NDUFV2: variants seen among roughly 807,000 people sequenced by gnomAD.
NDUFV2 encodes the protein NADH dehydrogenase [ubiquinone] flavoprotein 2, mitochondrial.
NDUFV2 carries 18 observed loss-of-function variants against 31.6 expected under a neutral mutation model. The ratio of observed to expected loss-of-function variants is 0.57; its 90% CI spans 0.39 to 0.84. The LOEUF is 0.84. NDUFV2 is among the 40% of genes least tolerant of loss of function. The probability of loss-of-function intolerance (pLI) is 0.00; values close to 1 mark genes in which losing one functional copy is unlikely to be tolerated. For synonymous variants in NDUFV2, 83 were observed against 99.8 expected (o/e 0.83, Z 1.01); for missense variants, 314 against 303.6 (o/e 1.03, Z -0.26).
At chr18:9,124,776 C>T (rs962668637) in intron 5 of NDUFV2, 98 bp from the exon 6 acceptor site, 110 of 1,283,734 alleles carry the variant, frequency 8.6e-5, no homozygotes, top group Non-Finnish European at 1.2e-4. Flanking sequence ...TAGTCTTAAA[C>T]TTTTAATATA....
Position 9,102,766 on chromosome 18 carries a change from G to T in NDUFV2, c.23G>T (p.Arg8Leu), listed in dbSNP as rs1393849645. 2 of 1,584,674 alleles carry T rather than the reference G, an allele frequency of 1.3e-6. No homozygotes were observed. Among genetic ancestry groups the T allele is most frequent in the Admixed American group, 1.8e-5 (1 of 56,086 alleles). ...GCCATGTTCTTCTCCGCGGCGCTCCGGGCCCGGGCGGCTGGCCTCACCGCC... is the reference window on the plus strand; with the variant it reads ...GCCATGTTCTTCTCCGCGGCGCTCCTGGCCCGGGCGGCTGGCCTCACCGCC... MFFSAAL[R>L]ARAAGLTAHW... Residue 8 changes from arginine to leucine, a missense_variant, in exon 1 of 8, where the codon CGG becomes CTG. By Grantham distance (102) the Arg-to-Leu change is moderately radical. Transcript: ENST00000318388.
intron 1 of NDUFV2, among the ~76,000 whole-genome samples, chr18:9,117,165 T>C (rs191291120): frequency 6.6e-6 from 1 of 151,928 alleles, no homozygotes; most frequent in East Asian, 1.9e-4. Context: ...GCCTCCCGAG[T>C]AGCTGGGACT....
chr18:9,130,769 C>T (rs772384228), intron 7 of NDUFV2, among the ~76,000 whole-genome samples: 10 of 152,012 alleles, frequency 6.6e-5, no homozygotes, highest in Non-Finnish European at 1.3e-4. Context: ...AATGAAAAAC[C>T]GAGAGGAATT....
intron 1 of NDUFV2, among the ~76,000 whole-genome samples, chr18:9,108,626 T>C (rs563871706): frequency 6.6e-6 from 1 of 152,228 alleles, no homozygotes; most frequent in East Asian, 1.9e-4. Flanking sequence ...GATTTCACAA[T>C]TATTAACCCA....
At chr18:9,107,045 T>C (rs1180364051) in intron 1 of NDUFV2, among the ~76,000 whole-genome samples, 1 of 152,188 alleles carries the variant, frequency 6.6e-6, no homozygotes, top group Non-Finnish European at 1.5e-5. Flanking sequence ...AATTCTCTTT[T>C]GTTGTGTAAA....
rs148477073 is a variant in NDUFV2 at position 9,125,113 on chromosome 18, T to C, written c.579+130T>C. 7 of 1,014,840 alleles carry C rather than the reference T, an allele frequency of 6.9e-6. No individual in the cohort carries two copies. In the Admixed American group the frequency reaches 1.2e-4, roughly 17 times the overall value. 62.9% of individuals were successfully genotyped at this position (1,014,840 alleles called of 1,614,324 possible). Reference sequence around the variant, plus strand: ...TTAGAAGAAATGGTTACCATAAATATCCAGGTTTTAAAAAATTCTTTAAAC... The same window carrying C: ...TTAGAAGAAATGGTTACCATAAATACCCAGGTTTTAAAAAATTCTTTAAAC... On this transcript the variant is annotated intron_variant, in intron 6 of 7. Coordinates refer to ENST00000318388, the MANE Select transcript of NDUFV2 (RefSeq NM_021074.5).
intron 6 of NDUFV2, 77 bp from the exon 7 acceptor site, chr18:9,126,754 G>C: frequency 7.6e-7 from 1 of 1,320,754 alleles, no homozygotes; most frequent in South Asian, 1.2e-5. Context: ...GGGCAACATA[G>C]TGAGACCTTG....
chr18:9,128,333 A>C (rs1160486984), intron 7 of NDUFV2, among the ~76,000 whole-genome samples: 1 of 152,216 alleles, frequency 6.6e-6, no homozygotes, highest in Non-Finnish European at 1.5e-5. Flanking sequence ...ACTACTAATA[A>C]TACCCTACTT....
chr18:9,132,542 G>C (rs1303049346), intron 7 of NDUFV2: 2 of 152,130 alleles, frequency 1.3e-5, no homozygotes, highest in African/African-American at 4.8e-5. Flanking sequence ...TAATTTCATT[G>C]ACATTTAAAG....
chr18:9,111,128 G>A (rs947883387), intron 1 of NDUFV2, among the ~76,000 whole-genome samples: 3 of 152,056 alleles, frequency 2.0e-5, no homozygotes, highest in Non-Finnish European at 4.4e-5. Flanking sequence ...AAGCTTTGAT[G>A]TCATCAAACA....
intron 5 of NDUFV2, among the ~76,000 whole-genome samples, chr18:9,123,026 T>C (rs2077953150): frequency 6.6e-6 from 1 of 152,242 alleles, no homozygotes; most frequent in Non-Finnish European, 1.5e-5. Context: ...AAGTGACCCA[T>C]TATTGTCTTT....
intron 1 of NDUFV2, among the ~76,000 whole-genome samples, chr18:9,114,694 C>T (rs1186914060): frequency 6.6e-6 from 1 of 152,124 alleles, no homozygotes; most frequent in African/African-American, 2.4e-5. Context: ...TCAACAACTA[C>T]AAAAAATCTG....
chr18:9,118,815 G>GTTTT (rs71168030), intron 2 of NDUFV2, among the ~76,000 whole-genome samples: 1,705 of 76,620 alleles, frequency 0.022, 100 homozygotes, highest in Non-Finnish European at 0.031. Flanking sequence ...AGATGGTGCT[G>GTTTT]TTTTTTTTTT....
chr18:9,105,678 T>G (rs2077838098), intron 1 of NDUFV2, among the ~76,000 whole-genome samples: 1 of 152,346 alleles, frequency 6.6e-6, no homozygotes, highest in Admixed American at 6.5e-5. Flanking sequence ...TGAAAGTATG[T>G]AAATTTCAGT....
At chr18:9,112,033 T>TTTTG (rs2077873520) in intron 1 of NDUFV2, among the ~76,000 whole-genome samples, 1 of 150,006 alleles carries the variant, frequency 6.7e-6, no homozygotes, top group East Asian at 1.9e-4. Context: ...TTTTTTTTTT[T>TTTTG]TTTGATAGAG....
chr18:9,106,698 T>C (rs112946253), intron 1 of NDUFV2, among the ~76,000 whole-genome samples: 1 of 152,232 alleles, frequency 6.6e-6, no homozygotes. Flanking sequence ...TAAAACATTA[T>C]ATTTTTAACC....
chr18:9,128,976 C>T (rs765207644), intron 7 of NDUFV2, among the ~76,000 whole-genome samples: 19 of 152,192 alleles, frequency 1.2e-4, no homozygotes, highest in Non-Finnish European at 2.2e-4. Context: ...CTTGCTCTGT[C>T]ACTTAGGCTA....
At chr18:9,120,662 C>T (rs2077928359) in intron 4 of NDUFV2, among the ~76,000 whole-genome samples, 1 of 68,760 alleles carries the variant, frequency 1.5e-5, no homozygotes, top group South Asian at 6.7e-4. Context: ...TTGTATAGTA[C>T]TATAACACTG....
intron 1 of NDUFV2, 92 bp downstream of exon 1, chr18:9,102,889 T>A: frequency 7.4e-7 from 1 of 1,359,122 alleles, no homozygotes; most frequent in Non-Finnish European, 9.9e-7. Flanking sequence ...AGCCCTGGGC[T>A]CTGCACGGGC....
Sources: gnomAD v4.1 joint callset for allele counts (sites outside exome capture counted in the v4.1 genomes callset) on GRCh38, gnomAD v4.1.1 for gene constraint, MANE v1.5 for transcripts, NCBI Gene and HGNC (gene_info 2026-07-23, HGNC 2026-07-21) for gene names.